ROBO1: variants seen among roughly 807,000 people sequenced by gnomAD.
ROBO1 encodes roundabout homolog 1.
ROBO1 carries 149 observed loss-of-function variants against 195.9 expected under a neutral mutation model. The observed-to-expected ratio is 0.76, with a 90% confidence interval of 0.67 to 0.87. The LOEUF (loss-of-function observed/expected upper bound fraction) is 0.87, where lower values mean the gene tolerates loss of function less well. Ranked by LOEUF, ROBO1 falls within the 40% of genes least tolerant of loss-of-function variation. The pLI, the probability that ROBO1 is intolerant of heterozygous loss-of-function variation, is 0.00. For missense variants in ROBO1, 1,933 were observed against 2,068.3 expected (o/e 0.93, Z 1.27); for synonymous variants, 816 against 733.2 (o/e 1.11, Z -1.82).
At chr3:78,659,454 C>T (rs914997902) in intron 17 of ROBO1, among the ~76,000 whole-genome samples, 6 of 152,084 alleles carry the variant, frequency 3.9e-5, no homozygotes, top group Admixed American at 3.3e-4. Context: ...ACATCAGAAT[C>T]GCCAAAAGAT....
At chr3:78,890,207 C>A (rs867848427) in intron 4 of ROBO1, among the ~76,000 whole-genome samples, 1 of 152,058 alleles carries the variant, frequency 6.6e-6, no homozygotes, top group Middle Eastern at 3.2e-3. Context: ...ACTAGGTATT[C>A]AATAACCATG....
At chr3:79,243,111 G>A (rs986306709) in intron 2 of ROBO1, among the ~76,000 whole-genome samples, 3 of 151,110 alleles carry the variant, frequency 2.0e-5, no homozygotes, top group African/African-American at 7.3e-5. Flanking sequence ...GCGATAGTTT[G>A]CTGAGAATGA....
At chr3:79,362,790 G>A (rs1361582711) in intron 2 of ROBO1, among the ~76,000 whole-genome samples, 1 of 152,114 alleles carries the variant, frequency 6.6e-6, no homozygotes, top group African/African-American at 2.4e-5. Context: ...TAACAATGCT[G>A]TGATATAAAA....
chr3:79,076,114 G>T (rs967204624), intron 3 of ROBO1, among the ~76,000 whole-genome samples: 1 of 150,578 alleles, frequency 6.6e-6, no homozygotes, highest in Non-Finnish European at 1.5e-5. Context: ...TTATAAGATT[G>T]TTATGAAAAC....
chr3:79,523,472 C>CTTTTTTTTTTTT (rs11357932), intron 2 of ROBO1, among the ~76,000 whole-genome samples: 3 of 100,430 alleles, frequency 3.0e-5, no homozygotes, highest in Non-Finnish European at 5.7e-5. Flanking sequence ...TTTTTTTTTT[C>CTTTTTTTTTTTT]TTTTTTTTTT....
At chr3:79,096,756 A>G (rs2108501409) in intron 3 of ROBO1, among the ~76,000 whole-genome samples, 1 of 151,020 alleles carries the variant, frequency 6.6e-6, no homozygotes, top group African/African-American at 2.4e-5. Context: ...GTGTATGTAT[A>G]TGTATATGTA....
intron 3 of ROBO1, among the ~76,000 whole-genome samples, chr3:78,989,457 T>C (rs1342907663): frequency 6.6e-6 from 1 of 151,964 alleles, no homozygotes; most frequent in Non-Finnish European, 1.5e-5. Context: ...CTACTAAAAA[T>C]ACAAAAATTA....
intron 1 of ROBO1, among the ~76,000 whole-genome samples, chr3:79,706,401 G>A (rs1456918743): frequency 6.6e-6 from 1 of 152,026 alleles, no homozygotes; most frequent in Non-Finnish European, 1.5e-5. Context: ...TATGGATATG[G>A]TCATGTTGTT....
In ROBO1 at chr3:78,989,860, T is replaced by C. The variant is rs528101867; in HGVS notation, c.173-50933A>G. Among the ~76,000 whole-genome samples the C allele has an allele frequency of 8.5e-5, 13 of 152,224 alleles. No homozygotes were observed. The South Asian group carries it at 1.9e-3, about 22-fold the overall frequency. On this transcript the variant is annotated intron_variant, in intron 3 of 30. Transcript: ENST00000464233. ...TGGACAGGAACATTTTTGAATTTAA[T>C]ATATAAATTAAGTTAATGCTCTTCT...
intron 2 of ROBO1, among the ~76,000 whole-genome samples, chr3:79,175,876 T>C (rs954648390): frequency 3.3e-5 from 5 of 152,224 alleles, no homozygotes; most frequent in Non-Finnish European, 5.9e-5. Flanking sequence ...GCTATATACA[T>C]GTTGTATGAA....
At chr3:78,599,591 A>G (rs1255049583) in intron 30 of ROBO1, among the ~76,000 whole-genome samples, 1 of 152,022 alleles carries the variant, frequency 6.6e-6, no homozygotes, top group African/African-American at 2.4e-5. Context: ...TGTCAAGGCT[A>G]ACAAGAGAGT....
chr3:79,256,416 G>A (rs2082834513), intron 2 of ROBO1, among the ~76,000 whole-genome samples: 1 of 152,008 alleles, frequency 6.6e-6, no homozygotes, highest in Non-Finnish European at 1.5e-5. Flanking sequence ...TAAAACCAGT[G>A]GAACAAGTTA....
intron 2 of ROBO1, among the ~76,000 whole-genome samples, chr3:79,242,729 C>G (rs1429730084): frequency 6.6e-6 from 1 of 152,040 alleles, no homozygotes; most frequent in Non-Finnish European, 1.5e-5. Context: ...GAAATATTTC[C>G]TATAAAAAAA....
At chr3:79,174,726 G>C (rs1289173565) in intron 2 of ROBO1, among the ~76,000 whole-genome samples, 1 of 151,720 alleles carries the variant, frequency 6.6e-6, no homozygotes, top group African/African-American at 2.4e-5. Flanking sequence ...AAACTGGTCG[G>C]TCATGTGTGG....
chr3:79,134,423 CT>C (rs35363531), intron 2 of ROBO1, among the ~76,000 whole-genome samples: 758 of 11,706 alleles, frequency 0.065, 42 homozygotes, highest in Middle Eastern at 0.1. Flanking sequence ...AATAGGAACA[CT>C]TTTACACTGT....
rs115308959 is a variant in ROBO1, at chr3:79,209,411, T to G, written c.89-83872A>C. ...TTGGTTGATAGACATTTAGGTTGGT[T>G]CCATATTTTTGCAATTGTGAATCAT... On this transcript the variant is annotated intron_variant, in intron 2 of 30. Coordinates refer to ENST00000464233, the MANE Select transcript of ROBO1 (RefSeq NM_002941.4). 8.3e-3 allele frequency among the ~76,000 whole-genome samples: 1,262 copies of G among 152,310 alleles called. 24 individuals carry two copies. The highest frequency in any genetic ancestry group is 0.029 in the African/African-American group (1,203 of 41,556).
intron 2 of ROBO1, among the ~76,000 whole-genome samples, chr3:79,189,810 T>A (rs1057396570): frequency 3.3e-5 from 5 of 151,568 alleles, no homozygotes; most frequent in African/African-American, 1.2e-4. Context: ...ATGAAACAGT[T>A]TAAAGAAACA....
In ROBO1 at chr3:79,125,526, T is replaced by C. The variant is rs769769157; in HGVS notation, c.102A>G (p.Val34=). ...GCGTCCCGTGGTCGTTCCCCCTCTC[T>C]ACATCTTCAGGGTCTGTCGGAAACA... The part of the protein sequence containing the change: ...LAQLIPDPED[V]ERGNDHGTPI... The change falls in exon 3 of 31, where the codon GTA becomes GTG. Residue 34 remains valine (V), a synonymous_variant. Coordinates refer to ENST00000464233, the MANE Select transcript of ROBO1 (RefSeq NM_002941.4). 1.2e-6 allele frequency: 2 copies of C among 1,613,582 alleles called. No homozygotes were observed.
At chr3:79,068,200 C>A (rs903573240) in intron 3 of ROBO1, among the ~76,000 whole-genome samples, 2 of 151,870 alleles carry the variant, frequency 1.3e-5, no homozygotes, top group African/African-American at 2.4e-5. Flanking sequence ...ATCTTGGAGA[C>A]TGGCTAACCA....
Sources: allele counts gnomAD v4.1 joint callset (sites outside exome capture counted in the v4.1 genomes callset), GRCh38; gene constraint gnomAD v4.1.1; transcripts MANE v1.5; gene names NCBI Gene and HGNC (gene_info 2026-07-23, HGNC 2026-07-21).